CFAP20DC: variants seen among roughly 807,000 people sequenced by gnomAD.
The protein encoded by CFAP20DC is protein CFAP20DC.
A neutral mutation model predicts 101.7 loss-of-function variants in CFAP20DC; 84 were observed. That is an observed-to-expected ratio of 0.83 (90% CI 0.69 to 0.99). The LOEUF is 0.99. Ranked by LOEUF, CFAP20DC falls within the 50% of genes least tolerant of loss-of-function variation. CFAP20DC has a pLI of 0.00. For synonymous variants in CFAP20DC, 359 were observed against 351.2 expected, an observed-to-expected ratio of 1.02 and a Z score of -0.25; for missense variants, 1,007 against 970.3, an observed-to-expected ratio of 1.04 and a Z score of -0.50.
chr3:58,768,654 C>T (rs192042263), intron 15 of CFAP20DC, among the ~76,000 whole-genome samples: 22 of 152,276 alleles, frequency 1.4e-4, no homozygotes, highest in East Asian at 9.7e-4. Flanking sequence ...TTTGTTTTTA[C>T]GGTAAAATCC....
intron 15 of CFAP20DC, among the ~76,000 whole-genome samples, chr3:58,763,560 G>A (rs1277269791): frequency 4.6e-5 from 7 of 152,200 alleles, no homozygotes; most frequent in Admixed American, 3.9e-4. Flanking sequence ...TCTCCGTCCA[G>A]CTTTGTTCCG....
intron 14 of CFAP20DC, among the ~76,000 whole-genome samples, chr3:58,813,724 C>T (rs1014184817): frequency 1.3e-5 from 2 of 151,866 alleles, no homozygotes; most frequent in East Asian, 3.9e-4. Flanking sequence ...AACACCCCAT[C>T]TGATAATCAC....
intron 14 of CFAP20DC, among the ~76,000 whole-genome samples, chr3:58,819,663 C>CA (rs2075471991): frequency 6.9e-6 from 1 of 144,544 alleles, no homozygotes. Flanking sequence ...GCTTACCAAC[C>CA]AAAAAGAGTC....
chr3:58,738,008 T>C (rs571153196), downstream of CFAP20DC, among the ~76,000 whole-genome samples: 10 of 152,332 alleles, frequency 6.6e-5, no homozygotes, highest in South Asian at 2.1e-4. This position sits in a 1 kb window ranked among gnomAD's most constrained non-coding sequence, Gnocchi z 4.4. Flanking sequence ...TTGTCCTTTC[T>C]AGGCCCAATT....
intron 7 of CFAP20DC, among the ~76,000 whole-genome samples, 198 bp downstream of exon 7, chr3:58,884,347 C>G (rs2081444525): frequency 6.6e-6 from 1 of 152,198 alleles, no homozygotes; most frequent in Non-Finnish European, 1.5e-5. Context: ...AACCGGCCCA[C>G]TTTATTCATT....
intron 7 of CFAP20DC, among the ~76,000 whole-genome samples, chr3:58,875,213 C>G (rs2080639823): frequency 6.6e-6 from 1 of 152,072 alleles, no homozygotes; most frequent in Non-Finnish European, 1.5e-5. Flanking sequence ...CTAGTGTCAC[C>G]AAATAGACTT....
At chr3:58,947,412 C>T (rs1458015288) in intron 4 of CFAP20DC, among the ~76,000 whole-genome samples, 1 of 152,098 alleles carries the variant, frequency 6.6e-6, no homozygotes, top group Non-Finnish European at 1.5e-5. Flanking sequence ...GGCATCGCTC[C>T]CCGAAAAATG....
intron 4 of CFAP20DC, among the ~76,000 whole-genome samples, chr3:58,959,360 T>C (rs1402122521): frequency 1.3e-5 from 2 of 152,206 alleles, no homozygotes; most frequent in Non-Finnish European, 2.9e-5. Context: ...TCCCAAAGTG[T>C]TGGGATTACA....
At chr3:58,825,621 T>C (rs552845328) in intron 14 of CFAP20DC, among the ~76,000 whole-genome samples, 2 of 152,144 alleles carry the variant, frequency 1.3e-5, no homozygotes, top group East Asian at 1.9e-4. Context: ...TAAAATTCAT[T>C]ATAACTAACT....
At chr3:58,858,484 T>C (rs2079010260) in intron 12 of CFAP20DC, among the ~76,000 whole-genome samples, 3 of 152,240 alleles carry the variant, frequency 2.0e-5, no homozygotes. Flanking sequence ...AAACAGATAA[T>C]TTTAATGACT....
intron 7 of CFAP20DC, among the ~76,000 whole-genome samples, chr3:58,877,484 C>A (rs1200088443): frequency 6.6e-6 from 1 of 152,200 alleles, no homozygotes; most frequent in Non-Finnish European, 1.5e-5. Context: ...TATCAGGATA[C>A]ATGCTCAATC....
chr3:58,931,936 C>T (rs1006281338), intron 5 of CFAP20DC, among the ~76,000 whole-genome samples: 1 of 152,182 alleles, frequency 6.6e-6, no homozygotes, highest in Non-Finnish European at 1.5e-5. Context: ...ATGACTTTGA[C>T]GAGTTGAGGA....
At chr3:58,966,738 T>G (rs994850327) in intron 4 of CFAP20DC, among the ~76,000 whole-genome samples, 3 of 151,986 alleles carry the variant, frequency 2.0e-5, no homozygotes, top group South Asian at 2.1e-4. Context: ...TTGGCCAGCC[T>G]GGTCTCAAAC....
rs77388893 is a variant in CFAP20DC at position 58,722,697 on chromosome 3, G to A, written c.198-5069C>T. Among the ~76,000 whole-genome samples, 1,150 of 152,274 alleles carry A rather than the reference G, an allele frequency of 7.6e-3. 14 individuals carry two copies. The highest frequency in any genetic ancestry group is 0.027 in the African/African-American group (1,118 of 41,550). On this transcript the variant is annotated intron_variant, in intron 3 of 3. Transcript: ENST00000486145. This position sits in a 1 kb window ranked among gnomAD's most constrained non-coding sequence, Gnocchi z 4.5. ...ACACACTGACTGTGATTTTCTGCCC[G>A]AGTCCTTATTTAATTGTTATTTTGG...
intron 12 of CFAP20DC, among the ~76,000 whole-genome samples, chr3:58,858,227 G>A (rs912193694): frequency 3.3e-5 from 5 of 152,026 alleles, no homozygotes; most frequent in African/African-American, 1.2e-4. Context: ...CTCTTGAACC[G>A]TTTGTCTTCT....
rs372611315 is a variant in CFAP20DC at position 58,855,278 on chromosome 3, C to T, written c.1594-5869G>A. On this transcript the variant is annotated intron_variant, in intron 12 of 16. Transcript: ENST00000482387. ...CCATCAGAGAAATGCAACTCAGAACCACAATGAGATACCATCTCACCCCAG... is the reference window on the plus strand; with the variant it reads ...CCATCAGAGAAATGCAACTCAGAACTACAATGAGATACCATCTCACCCCAG... 3.3e-5 allele frequency among the ~76,000 whole-genome samples: 5 copies of T among 152,232 alleles called. No homozygotes were observed. The South Asian group carries it at 8.3e-4, about 25-fold the overall frequency.
intron 15 of CFAP20DC, among the ~76,000 whole-genome samples, chr3:58,758,886 C>T (rs1575566668): frequency 6.6e-6 from 1 of 152,088 alleles, no homozygotes; most frequent in Non-Finnish European, 1.5e-5. Context: ...TTTATGGCTG[C>T]ATAGTATTCC....
At chr3:58,835,580 AT>A (rs1210096489) in intron 13 of CFAP20DC, among the ~76,000 whole-genome samples, 1 of 152,204 alleles carries the variant, frequency 6.6e-6, no homozygotes, top group Non-Finnish European at 1.5e-5. Context: ...AAAATGCTGC[AT>A]TTCCATGACT....
chr3:58,806,158 G>C (rs1042381289), intron 15 of CFAP20DC, among the ~76,000 whole-genome samples: 1 of 152,134 alleles, frequency 6.6e-6, no homozygotes, highest in African/African-American at 2.4e-5. Context: ...GAATTACATG[G>C]AGTCAAATGA....
Sources: allele counts gnomAD v4.1 joint callset (sites outside exome capture counted in the v4.1 genomes callset), GRCh38; gene constraint gnomAD v4.1.1; non-coding constraint Gnocchi (gnomAD v3.1); transcripts MANE v1.5; gene names NCBI Gene and HGNC (gene_info 2026-07-23, HGNC 2026-07-21).